Variants in HS6ST3 observed in about 807,000 individuals in gnomAD.
The protein encoded by HS6ST3 is heparan-sulfate 6-O-sulfotransferase 3.
HS6ST3 carries 12 observed loss-of-function variants against 36.7 expected under a neutral mutation model. The ratio of observed to expected loss-of-function variants is 0.33; its 90% CI spans 0.21 to 0.53. The LOEUF (loss-of-function observed/expected upper bound fraction) is 0.53, where lower values mean the gene tolerates loss of function less well. Among genes scored for constraint, HS6ST3 ranks in the 20% least tolerant of loss-of-function variants. HS6ST3 has a pLI of 0.95. For synonymous variants in HS6ST3, 240 were observed against 257.5 expected (o/e 0.93, Z 0.65); for missense variants, 584 against 640.9 (o/e 0.91, Z 0.96).
At chr13:96,497,346 T>G (rs758160007) in intron 1 of HS6ST3, among the ~76,000 whole-genome samples, 25 of 152,208 alleles carry the variant, frequency 1.6e-4, no homozygotes, top group Non-Finnish European at 3.2e-4. Flanking sequence ...CCCCGAGGAA[T>G]GTGAGGTACA....
chr13:96,123,585 T>G (rs1280254867), intron 1 of HS6ST3, among the ~76,000 whole-genome samples: 1 of 152,206 alleles, frequency 6.6e-6, no homozygotes. Flanking sequence ...TCTGTCACTC[T>G]TAGAGAGCAA....
At chr13:96,464,420 T>A (rs1365922177) in intron 1 of HS6ST3, among the ~76,000 whole-genome samples, 1 of 152,014 alleles carries the variant, frequency 6.6e-6, no homozygotes, top group Non-Finnish European at 1.5e-5. Flanking sequence ...TGGCTTTCTG[T>A]GTGACAAGCA....
intron 1 of HS6ST3, among the ~76,000 whole-genome samples, chr13:96,284,171 G>T (rs2054788881): frequency 6.6e-6 from 1 of 152,084 alleles, no homozygotes; most frequent in Non-Finnish European, 1.5e-5. Flanking sequence ...TTTCCCCATT[G>T]ATGTTTTGGT....
chr13:96,332,078 G>T (rs927740831), intron 1 of HS6ST3, among the ~76,000 whole-genome samples: 1 of 152,150 alleles, frequency 6.6e-6, no homozygotes, highest in Non-Finnish European at 1.5e-5. Flanking sequence ...TGCGCCCACT[G>T]TCTGGCACTC....
intron 1 of HS6ST3, among the ~76,000 whole-genome samples, chr13:96,705,455 TC>T (rs1458656404): frequency 3.3e-5 from 5 of 152,188 alleles, no homozygotes; most frequent in Admixed American, 1.3e-4. Flanking sequence ...TTGGCATATT[TC>T]TCTTCCTGGG....
At chr13:96,352,490 G>A (rs1004425847) in intron 1 of HS6ST3, among the ~76,000 whole-genome samples, 2 of 152,192 alleles carry the variant, frequency 1.3e-5, no homozygotes, top group Admixed American at 6.5e-5. Context: ...CAGAGCACGC[G>A]ATCCAAGGGA....
intron 1 of HS6ST3, among the ~76,000 whole-genome samples, chr13:96,450,893 T>G (rs1594783105): frequency 6.6e-6 from 1 of 152,154 alleles, no homozygotes; most frequent in Admixed American, 6.5e-5. Flanking sequence ...GACAAACACT[T>G]GGCTGTGGCT....
chr13:96,573,887 C>G (rs1278530149), intron 1 of HS6ST3: 2 of 492,844 alleles, frequency 4.1e-6, no homozygotes, highest in Non-Finnish European at 8.0e-6. Context: ...TGAGCCCTCT[C>G]CCCCAGTCTA....
intron 1 of HS6ST3, among the ~76,000 whole-genome samples, chr13:96,401,069 G>C (rs2055448762): frequency 6.6e-6 from 1 of 152,132 alleles, no homozygotes; most frequent in African/African-American, 2.4e-5. Context: ...ATTTTCAGCT[G>C]CATAGGGAAG....
chr13:96,120,827 A>G (rs1232306136), intron 1 of HS6ST3, among the ~76,000 whole-genome samples: 2 of 152,232 alleles, frequency 1.3e-5, no homozygotes, highest in African/African-American at 4.8e-5. Flanking sequence ...AAATCAGTTA[A>G]AATGTATAAA....
intron 1 of HS6ST3, among the ~76,000 whole-genome samples, chr13:96,227,101 T>C (rs2054484367): frequency 6.6e-6 from 1 of 152,180 alleles, no homozygotes; most frequent in Non-Finnish European, 1.5e-5. Context: ...CCCTAAAATA[T>C]TGGTTTTACA....
intron 1 of HS6ST3, among the ~76,000 whole-genome samples, chr13:96,145,830 A>G (rs532654882): frequency 3.3e-4 from 51 of 152,316 alleles, no homozygotes; most frequent in Middle Eastern, 3.4e-3. Flanking sequence ...TAATTTATGT[A>G]TAAGGTGTAA....
At chr13:96,345,479 A>T (rs1056210147) in intron 1 of HS6ST3, among the ~76,000 whole-genome samples, 1 of 152,144 alleles carries the variant, frequency 6.6e-6, no homozygotes, top group African/African-American at 2.4e-5. Context: ...AAACCAGTAG[A>T]TGTGAAAGGA....
At chr13:96,130,585 A>G (rs2053970762) in intron 1 of HS6ST3, among the ~76,000 whole-genome samples, 1 of 152,204 alleles carries the variant, frequency 6.6e-6, no homozygotes, top group South Asian at 2.1e-4. Flanking sequence ...CCATGGGGAA[A>G]AAATAACATA....
chr13:96,768,511 G>T (rs1302912394), intron 1 of HS6ST3, among the ~76,000 whole-genome samples: 1 of 152,048 alleles, frequency 6.6e-6, no homozygotes, highest in Non-Finnish European at 1.5e-5. Context: ...AGTTGTTAGG[G>T]TATAGAATTT....
At chr13:96,805,596 A>T (rs1348288308) in intron 1 of HS6ST3, among the ~76,000 whole-genome samples, 1 of 152,228 alleles carries the variant, frequency 6.6e-6, no homozygotes, top group Non-Finnish European at 1.5e-5. Context: ...CTAAGTAAGC[A>T]TATTGTTGGT....
chr13:96,493,635 T>G (rs2138907364), intron 1 of HS6ST3, among the ~76,000 whole-genome samples: 1 of 152,340 alleles, frequency 6.6e-6, no homozygotes, highest in South Asian at 2.1e-4. Flanking sequence ...TCTCGATGTA[T>G]GAACTGAACG....
intron 1 of HS6ST3, among the ~76,000 whole-genome samples, chr13:96,647,750 G>GTT (rs72122913): frequency 6.6e-6 from 1 of 150,434 alleles, no homozygotes; most frequent in East Asian, 2.0e-4. Context: ...AATGCTAAAT[G>GTT]TTTTTTTTTC....
At chr13:96,512,107 C>A (rs1396274935) in intron 1 of HS6ST3, among the ~76,000 whole-genome samples, 1 of 152,104 alleles carries the variant, frequency 6.6e-6, no homozygotes, top group Non-Finnish European at 1.5e-5. Flanking sequence ...CTTTCTCTTG[C>A]CTAATTGCTC....
Sources: gnomAD v4.1 joint callset for allele counts (sites outside exome capture counted in the v4.1 genomes callset) on GRCh38, gnomAD v4.1.1 for gene constraint, MANE v1.5 for transcripts, NCBI Gene and HGNC (gene_info 2026-07-23, HGNC 2026-07-21) for gene names.